Variants in TENM3 observed in about 807,000 individuals in gnomAD.
TENM3 encodes the protein teneurin-3.
TENM3 carries 63 observed loss-of-function variants against 255.1 expected under a neutral mutation model. That is an observed-to-expected ratio of 0.25 (90% CI 0.20 to 0.30). The LOEUF is 0.30. TENM3 is among the 10% of genes least tolerant of loss of function. The pLI is 1.00. For synonymous variants in TENM3, 1,306 were observed against 1,322.3 expected (o/e 0.99, Z 0.27); for missense variants, 2,929 against 3,461.1 (o/e 0.85, Z 3.86).
the TENM3 span, among the ~76,000 whole-genome samples, chr4:181,558,860 A>C: frequency 2.6e-5 from 4 of 152,224 alleles, no homozygotes; most frequent in African/African-American, 9.6e-5. Flanking sequence ...ATGCAAAAAG[A>C]AATATTGTAA....
chr4:181,556,799 C>T, the TENM3 span, among the ~76,000 whole-genome samples: 1 of 152,016 alleles, frequency 6.6e-6, no homozygotes, highest in African/African-American at 2.4e-5. Context: ...TTCATTTGTT[C>T]TTCTCGAAAT....
intron 3 of TENM3, among the ~76,000 whole-genome samples, chr4:182,557,747 C>T (rs1349390846): frequency 6.6e-6 from 1 of 152,202 alleles, no homozygotes; most frequent in Non-Finnish European, 1.5e-5. Context: ...CCTCCAGCTG[C>T]TGCACTGTCA....
chr4:181,846,449 T>C, the TENM3 span, among the ~76,000 whole-genome samples: 6 of 152,168 alleles, frequency 3.9e-5, no homozygotes, highest in Admixed American at 1.3e-4. Context: ...TGTGGTGACA[T>C]AAATCTAATT....
chr4:181,796,916 T>C, the TENM3 span, among the ~76,000 whole-genome samples: 4 of 152,316 alleles, frequency 2.6e-5, no homozygotes, highest in South Asian at 2.1e-4. Context: ...AGAGCAAGTC[T>C]AGAAACTGCC....
intron 3 of TENM3, among the ~76,000 whole-genome samples, chr4:182,354,471 A>C (rs752841822): frequency 1.8e-4 from 28 of 152,340 alleles, no homozygotes; most frequent in Non-Finnish European, 3.5e-4. Context: ...AGAGCCATAG[A>C]ACCTTCGTTT....
At chr4:181,702,486 A>T in the TENM3 span, among the ~76,000 whole-genome samples, 9 of 152,342 alleles carry the variant, frequency 5.9e-5, no homozygotes, top group East Asian at 1.7e-3. Context: ...GGTACTTAGT[A>T]CAGGGGAAAA....
At chr4:182,118,740 T>G in the TENM3 span, among the ~76,000 whole-genome samples, 1 of 152,220 alleles carries the variant, frequency 6.6e-6, no homozygotes, top group African/African-American at 2.4e-5. Context: ...CTTCTTTAGC[T>G]TGTCAATGTG....
chr4:181,848,586 G>C, the TENM3 span, among the ~76,000 whole-genome samples: 1 of 152,056 alleles, frequency 6.6e-6, no homozygotes, highest in Non-Finnish European at 1.5e-5. Context: ...TACCGTGACA[G>C]ATGTCAATCA....
At chr4:182,577,385 G>A (rs6845557) in intron 3 of TENM3, among the ~76,000 whole-genome samples, 35,742 of 152,022 alleles carry the variant, frequency 0.24, 5,388 homozygotes, top group African/African-American at 0.42. Context: ...TAGGTGTGTT[G>A]TATAAATTAA....
At chr4:181,609,364 T>G in the TENM3 span, among the ~76,000 whole-genome samples, 1 of 152,244 alleles carries the variant, frequency 6.6e-6, no homozygotes, top group East Asian at 1.9e-4. Flanking sequence ...TTTTTCCACA[T>G]CACTCTGTAA....
chr4:181,546,482 G>A, the TENM3 span, among the ~76,000 whole-genome samples: 17 of 151,536 alleles, frequency 1.1e-4, no homozygotes, highest in African/African-American at 3.9e-4. Flanking sequence ...TTGGGAGGCC[G>A]AGGCGGCTGG....
intron 3 of TENM3, among the ~76,000 whole-genome samples, chr4:182,524,863 A>G (rs529236985): frequency 6.6e-6 from 1 of 151,976 alleles, no homozygotes; most frequent in Non-Finnish European, 1.5e-5. Context: ...AAAGAAAAGA[A>G]AAGAAAATTA....
chr4:182,305,648 C>T (rs1048450754), intron 1 of TENM3, among the ~76,000 whole-genome samples: 4 of 152,224 alleles, frequency 2.6e-5, no homozygotes, highest in African/African-American at 4.8e-5. Flanking sequence ...TTCTCTTTCC[C>T]GGTTACACGC....
chr4:182,532,262 G>A (rs1322804242), intron 3 of TENM3, among the ~76,000 whole-genome samples: 1 of 152,078 alleles, frequency 6.6e-6, no homozygotes, highest in Non-Finnish European at 1.5e-5. Flanking sequence ...TACTCTCTCT[G>A]TACCTCCATT....
intron 13 of TENM3, among the ~76,000 whole-genome samples, chr4:182,726,557 G>A (rs1014432932): frequency 1.3e-5 from 2 of 152,098 alleles, no homozygotes; most frequent in African/African-American, 2.4e-5. Context: ...TGTGAAATTC[G>A]CTCTTGTTAG....
the TENM3 span, among the ~76,000 whole-genome samples, chr4:181,809,055 T>C: frequency 2.2e-4 from 33 of 152,234 alleles, no homozygotes; most frequent in Non-Finnish European, 4.0e-4. Context: ...TTACTGTTGA[T>C]GTGGCTGATA....
chr4:181,516,224 G>A, the TENM3 span, among the ~76,000 whole-genome samples: 1 of 152,066 alleles, frequency 6.6e-6, no homozygotes, highest in East Asian at 1.9e-4. Context: ...GTCAGGGGAG[G>A]GGAGAGCATT....
chr4:182,610,264 G>A (rs1253012908), intron 4 of TENM3, among the ~76,000 whole-genome samples: 1 of 152,218 alleles, frequency 6.6e-6, no homozygotes, highest in Non-Finnish European at 1.5e-5. Flanking sequence ...ATTCATTTAT[G>A]CAGGAAATAT....
the TENM3 span, among the ~76,000 whole-genome samples, chr4:181,589,924 G>T: frequency 6.6e-6 from 1 of 152,232 alleles, no homozygotes; most frequent in South Asian, 2.1e-4. Flanking sequence ...CTGCTTTTAC[G>T]AAACAGAAGG....
Sources: allele counts gnomAD v4.1 joint callset (sites outside exome capture counted in the v4.1 genomes callset), GRCh38; gene constraint gnomAD v4.1.1; transcripts MANE v1.5; gene names NCBI Gene and HGNC (gene_info 2026-07-23, HGNC 2026-07-21).